MAGI2: variants seen among roughly 807,000 people sequenced by gnomAD.
The protein encoded by MAGI2 is membrane-associated guanylate kinase, WW and PDZ domain-containing protein 2.
A neutral mutation model predicts 133.3 loss-of-function variants in MAGI2; 35 were observed. The observed-to-expected ratio is 0.26, with a 90% CI of 0.20 to 0.35. The LOEUF (loss-of-function observed/expected upper bound fraction) is 0.35, where lower values mean the gene tolerates loss of function less well. MAGI2 is among the 10% of genes least tolerant of loss of function. The pLI, the probability that MAGI2 is intolerant of heterozygous loss-of-function variation, is 1.00. For missense variants in MAGI2, 1,636 were observed against 1,863.4 expected (o/e 0.88, Z 2.25); for synonymous variants, 729 against 710.6 (o/e 1.03, Z -0.41).
chr7:79,349,709 C>T (rs1032007869), intron 1 of MAGI2, among the ~76,000 whole-genome samples: 5 of 151,966 alleles, frequency 3.3e-5, no homozygotes, highest in African/African-American at 1.2e-4. Context: ...ATCCTACTGA[C>T]CCTTTTCATG....
intron 1 of MAGI2, among the ~76,000 whole-genome samples, chr7:79,309,684 A>T (rs1240158757): frequency 6.6e-6 from 1 of 151,994 alleles, no homozygotes; most frequent in East Asian, 1.9e-4. Context: ...TTAAAATATG[A>T]CATAAAATTC....
At chr7:78,797,699 C>T (rs551330346) in intron 2 of MAGI2, among the ~76,000 whole-genome samples, 54 of 152,224 alleles carry the variant, frequency 3.5e-4, no homozygotes, top group African/African-American at 1.1e-3. Context: ...TATATCTTTG[C>T]TATACATCAG....
intron 2 of MAGI2, among the ~76,000 whole-genome samples, chr7:78,676,276 G>A (rs1342289805): frequency 2.0e-5 from 3 of 152,048 alleles, no homozygotes; most frequent in Non-Finnish European, 2.9e-5. Flanking sequence ...TTCTGCTAAG[G>A]CAAGACTGTA....
chr7:78,326,422 C>T (rs1439408950), intron 9 of MAGI2, among the ~76,000 whole-genome samples: 1 of 152,160 alleles, frequency 6.6e-6, no homozygotes, highest in East Asian at 1.9e-4. Context: ...TCTCCAGGTG[C>T]CCTTTTAAAT....
intron 6 of MAGI2, among the ~76,000 whole-genome samples, chr7:78,400,250 G>T (rs1451953531): frequency 2.0e-5 from 3 of 152,070 alleles, no homozygotes; most frequent in African/African-American, 7.2e-5. Flanking sequence ...GAAACATAAT[G>T]GTCCGTTGTG....
At chr7:79,070,949 T>C (rs184133417) in intron 1 of MAGI2, among the ~76,000 whole-genome samples, 1 of 152,172 alleles carries the variant, frequency 6.6e-6, no homozygotes, top group East Asian at 1.9e-4. Flanking sequence ...CTTCTGTCAA[T>C]TCATCAAACT....
At chr7:78,074,566 A>G (rs1467131538) in intron 21 of MAGI2, among the ~76,000 whole-genome samples, 1 of 152,150 alleles carries the variant, frequency 6.6e-6, no homozygotes. Flanking sequence ...TCTTGGCTAT[A>G]TCTACTGGTT....
rs111957383 is a variant in MAGI2, at chr7:78,166,930, C to T, written c.2596+986G>A. Among the ~76,000 whole-genome samples, 6 of 152,260 alleles carry T rather than the reference C, an allele frequency of 3.9e-5. 1 individual carries two copies. Among genetic ancestry groups the T allele is most frequent in the African/African-American group, 1.4e-4 (6 of 41,558 alleles). On this transcript the variant is annotated intron_variant, in intron 15 of 21. Transcript: ENST00000354212. Reference sequence around the variant, plus strand: ...TGCATTGTCACAGACTCACTGTGGACTGCTGGGCAAGCTACCAAACCTCTG... The same window carrying T: ...TGCATTGTCACAGACTCACTGTGGATTGCTGGGCAAGCTACCAAACCTCTG...
At chr7:78,580,985 ATAAT>A (rs1309785563) in intron 3 of MAGI2, among the ~76,000 whole-genome samples, 1 of 152,202 alleles carries the variant, frequency 6.6e-6, no homozygotes, top group Non-Finnish European at 1.5e-5. Flanking sequence ...TGCCATATAA[ATAAT>A]TTAGTTCTCA....
At chr7:79,217,528 A>G (rs1176838962) in intron 1 of MAGI2, among the ~76,000 whole-genome samples, 1 of 152,022 alleles carries the variant, frequency 6.6e-6, no homozygotes, top group African/African-American at 2.4e-5. Context: ...CATTTTACTG[A>G]TGAAGAAACA....
At chr7:78,992,086 GT>G (rs1805839748) in intron 2 of MAGI2, among the ~76,000 whole-genome samples, 1 of 151,956 alleles carries the variant, frequency 6.6e-6, no homozygotes, top group Non-Finnish European at 1.5e-5. Context: ...AACTAATCTG[GT>G]CATTATTGTT....
At chr7:78,912,583 A>G (rs1798479897) in intron 2 of MAGI2, among the ~76,000 whole-genome samples, 1 of 151,910 alleles carries the variant, frequency 6.6e-6, no homozygotes, top group South Asian at 2.1e-4. Context: ...CCCATGCTGG[A>G]TGCTTCCTGC....
intron 21 of MAGI2, among the ~76,000 whole-genome samples, chr7:78,048,026 T>G (rs1811613096): frequency 6.6e-6 from 1 of 152,240 alleles, no homozygotes; most frequent in Non-Finnish European, 1.5e-5. Flanking sequence ...TTGTGTTGGC[T>G]TTGCCTATCA....
chr7:78,434,848 G>C (rs1289509281), intron 6 of MAGI2, among the ~76,000 whole-genome samples: 1 of 152,122 alleles, frequency 6.6e-6, no homozygotes, highest in African/African-American at 2.4e-5. Context: ...GAAGCAAAAT[G>C]AAAATGCAAG....
intron 6 of MAGI2, among the ~76,000 whole-genome samples, chr7:78,406,114 GAT>G (rs1797350442): frequency 6.6e-6 from 1 of 151,844 alleles, no homozygotes; most frequent in African/African-American, 2.4e-5. Flanking sequence ...TCATCCTAGA[GAT>G]TCCAATGTAT....
intron 10 of MAGI2, among the ~76,000 whole-genome samples, chr7:78,217,722 G>A (rs1434562953): frequency 6.6e-6 from 1 of 152,136 alleles, no homozygotes; most frequent in Non-Finnish European, 1.5e-5. Flanking sequence ...AAGATGGCAG[G>A]GCATTATGCA....
chr7:78,499,721 T>C (rs1344332161), intron 5 of MAGI2, among the ~76,000 whole-genome samples: 4 of 152,238 alleles, frequency 2.6e-5, no homozygotes, highest in Non-Finnish European at 1.5e-5. Flanking sequence ...GTCATGCTGC[T>C]TTCCTTTTAT....
intron 6 of MAGI2, among the ~76,000 whole-genome samples, chr7:78,440,802 A>G (rs1787542897): frequency 6.6e-6 from 1 of 151,930 alleles, no homozygotes; most frequent in Non-Finnish European, 1.5e-5. Context: ...AAGACACAAA[A>G]ATTAGCCAGG....
At chr7:78,772,946 G>C (rs534478795) in intron 2 of MAGI2, among the ~76,000 whole-genome samples, 2 of 151,984 alleles carry the variant, frequency 1.3e-5, no homozygotes, top group African/African-American at 4.8e-5. Context: ...CTCTAGCATT[G>C]GCTGTTTTCA....
Sources: gnomAD v4.1 joint callset for allele counts (sites outside exome capture counted in the v4.1 genomes callset) on GRCh38, gnomAD v4.1.1 for gene constraint, MANE v1.5 for transcripts, NCBI Gene and HGNC (gene_info 2026-07-23, HGNC 2026-07-21) for gene names.